DHX34: variants seen among roughly 807,000 people sequenced by gnomAD.
DHX34 encodes DExH-box helicase 34.
In DHX34, 96 loss-of-function variants were observed where a neutral mutation model predicts 111.1. The ratio of observed to expected loss-of-function variants is 0.86; its 90% CI spans 0.73 to 1.02. DHX34 has a LOEUF of 1.02. DHX34 is among the 50% of genes least tolerant of loss of function. The pLI, the probability that DHX34 is intolerant of heterozygous loss-of-function variation, is 0.00. For missense variants in DHX34, 1,560 were observed against 1,579.9 expected (o/e 0.99, Z 0.21); for synonymous variants, 688 against 670.4 (o/e 1.03, Z -0.41).
rs139596313 is a variant in DHX34, at chr19:47,382,044, C to T, written c.3363C>T (p.Cys1121=). 316 of 1,614,144 alleles carry T rather than the reference C, an allele frequency of 2.0e-4. 1 individual carries two copies. In the African/African-American group the frequency reaches 3.5e-3, roughly 18 times the overall value. ...KTSVLQRPYH[C]EACGKDFLFT... is the part of the protein sequence containing the mutation. ...CTGTCCTGCAGAGGCCCTACCACTG[C>T]GAGGCCTGCGGGAAGGACTTCCTCT... Residue 1121 remains cysteine (C), a synonymous_variant, in exon 17 of 17, where the codon TGC becomes TGT. Transcript: ENST00000328771.
At chr19:47,375,238 G>T in intron 9 of DHX34, 1 of 972,594 alleles carries the variant, frequency 1.0e-6, no homozygotes, top group Non-Finnish European at 1.2e-6. Flanking sequence ...AAAGGCACTG[G>T]ACGCCCGCAC....
chr19:47,376,339 G>C, intron 11 of DHX34, 104 bp from the exon 12 acceptor site: 3 of 1,539,694 alleles, frequency 1.9e-6, no homozygotes, highest in Non-Finnish European at 2.6e-6. Context: ...AGTCAGGGAG[G>C]GCTTCCTGGA....
chr19:47,355,298 A>AT lies in DHX34; in HGVS notation c.968dup (p.Ser324GlnfsTer47). ...ATCAACATCTCGCTCTTCTCCAGCT[A>AT]TTTCAGCAATGCCCCTGTGGTACAG... On this transcript the variant is annotated frameshift_variant, in exon 3 of 17. Transcript: ENST00000328771. LOFTEE classifies it high-confidence loss of function. 11 of 1,614,028 alleles carry AT rather than the reference A, an allele frequency of 6.8e-6. No individual in the cohort carries two copies. Among genetic ancestry groups the AT allele is most frequent in the Non-Finnish European group, 9.3e-6 (11 of 1,179,990 alleles).
intron 1 of DHX34, among the ~76,000 whole-genome samples, chr19:47,350,612 A>G (rs1969256766): frequency 6.6e-6 from 1 of 151,248 alleles, no homozygotes; most frequent in Non-Finnish European, 1.5e-5. Context: ...TAGAGACGGG[A>G]TTTTTCCATG....
Position 47,353,137 on chromosome 19 carries a change from G to A in DHX34, c.107G>A (p.Arg36His), listed in dbSNP as rs1274722189. The A allele has an allele frequency of 1.9e-6, 3 of 1,614,024 alleles. No individual in the cohort carries two copies. The highest frequency in any genetic ancestry group is 1.7e-5 in the Admixed American group (1 of 59,972). ...TGGGACTGGAATTGTCCAGAGACGC[G>A]TCGCCTCTTGGAAGATGCCTTCTTC... ...EKWDWNCPETRRLLEDAFFRE... is the reference protein window; with the variant it reads ...EKWDWNCPETHRLLEDAFFRE... The change falls in exon 2 of 17, where the codon CGT becomes CAT. Residue 36 changes from arginine to histidine, a missense_variant. Physicochemically the swap from Arg to His is conservative, Grantham distance 29. Coordinates refer to ENST00000328771, the MANE Select transcript of DHX34 (RefSeq NM_014681.6). This position sits in a 1 kb window ranked among gnomAD's most constrained non-coding sequence, Gnocchi z 4.6.
intron 4 of DHX34, among the ~76,000 whole-genome samples, chr19:47,359,605 G>A (rs569285879): frequency 2.0e-5 from 3 of 152,172 alleles, no homozygotes; most frequent in Middle Eastern, 3.4e-3. Flanking sequence ...GACATGGTGA[G>A]ACCCCGTCTC....
intron 7 of DHX34, among the ~76,000 whole-genome samples, chr19:47,372,014 T>A (rs1969978442): frequency 6.6e-6 from 1 of 150,980 alleles, no homozygotes; most frequent in Non-Finnish European, 1.5e-5. Context: ...AGATGCCCGC[T>A]GTGGAGCGCT....
In DHX34 at chr19:47,353,769, A is replaced by G; in HGVS notation, c.705+34A>G. 2.7e-6 allele frequency: 4 copies of G among 1,499,984 alleles called. No individual in the cohort carries two copies. Among genetic ancestry groups the G allele is most frequent in the Non-Finnish European group, 3.6e-6 (4 of 1,121,576 alleles). The allele number at this position is 1,499,984 out of a possible 1,614,324, so 92.9% of individuals were successfully genotyped here. ...GACGCACCAGGTTTCCGATTTTTCC[A>G]GCGTGACCTTGGGGGAATAGGTTGC... is the stretch of plus-strand genomic sequence containing the variant. On this transcript the variant is annotated intron_variant, in intron 2 of 16. Coordinates refer to ENST00000328771, the MANE Select transcript of DHX34 (RefSeq NM_014681.6). The surrounding 1 kb of genome is among the most constrained non-coding windows in gnomAD (Gnocchi z 4.6).
Position 47,362,609 on chromosome 19 carries a change from CTA to C in DHX34, c.1511_1512del (p.Tyr504CysfsTer6), listed in dbSNP as rs762954905. The stretch of plus-strand genomic sequence containing the variant: ...CGGGCCCCGGAGTCTGCTTCCGCCT[CTA>C]TGCCGAATCGGACTATGATGCCTTC... ...RTGPGVCFRL[Y>X]AESDYDAFAP... On this transcript the variant is annotated frameshift_variant, in exon 6 of 17. Coordinates refer to ENST00000328771, the MANE Select transcript of DHX34 (RefSeq NM_014681.6). LOFTEE classifies it high-confidence loss of function. The C allele has an allele frequency of 2.5e-6, 4 of 1,613,842 alleles. No individual in the cohort carries two copies. The East Asian group carries it at 8.9e-5, about 36-fold the overall frequency.
chr19:47,369,285 G>T (rs990803761), intron 7 of DHX34, among the ~76,000 whole-genome samples: 1 of 152,106 alleles, frequency 6.6e-6, no homozygotes, highest in Admixed American at 6.6e-5. Flanking sequence ...GGGATTACAG[G>T]CATGAGCCAC....
chr19:47,376,955 CCTT>C (rs779248727), intron 12 of DHX34, 142 bp from the exon 13 acceptor site: 207 of 1,542,122 alleles, frequency 1.3e-4, no homozygotes, highest in African/African-American at 3.3e-4. Flanking sequence ...ATTTGGCTGA[CCTT>C]CTTGTCTGAG....
intron 14 of DHX34, 159 bp from the exon 15 acceptor site, chr19:47,380,657 C>T: frequency 1.0e-6 from 1 of 985,304 alleles, no homozygotes; most frequent in Non-Finnish European, 1.2e-6. Context: ...AGACAGACCC[C>T]TGGTCATGTG....
intron 1 of DHX34, among the ~76,000 whole-genome samples, chr19:47,351,130 A>G (rs1425225975): frequency 6.6e-6 from 1 of 151,102 alleles, no homozygotes. Flanking sequence ...AGCATGCATA[A>G]GCAGTTTCTA....
At chr19:47,377,065 A>AGGGTGGGCCT in intron 12 of DHX34, 35 bp from the exon 13 acceptor site, 1 of 1,611,332 alleles carries the variant, frequency 6.2e-7, no homozygotes, top group Non-Finnish European at 8.5e-7. Context: ...TGGGTGGGCC[A>AGGGTGGGCCT]GGGTGGGCCT....
In DHX34 at chr19:47,357,953, A is replaced by G. The variant is rs759758867; in HGVS notation, c.1105A>G (p.Ile369Val). 13 of 1,613,922 alleles carry G rather than the reference A, an allele frequency of 8.1e-6. No homozygotes were observed. In the South Asian group the frequency reaches 1.2e-4, roughly 15 times the overall value. Residue 369 changes from isoleucine to valine, a missense_variant, in exon 4 of 17, where the codon ATT (isoleucine) becomes GTT (valine). Coordinates refer to ENST00000328771, the MANE Select transcript of DHX34 (RefSeq NM_014681.6). ...PRPFLRVLES[I>V]DHKYPPEERG... is the part of the protein sequence containing the mutation. ...GCCTTTCCTGAGGGTGCTGGAGTCC[A>G]TTGACCACAAGTACCCGCCTGAGGA...
Position 47,362,508 on chromosome 19 carries a change from G to C in DHX34, c.1408G>C (p.Ala470Pro), listed in dbSNP as rs1440406553. The change falls in exon 6 of 17, where the codon GCC (alanine) becomes CCC (proline). Residue 470 changes from alanine to proline, a missense_variant. By Grantham distance (27) the Ala-to-Pro change is conservative. Transcript: ENST00000328771. ...KVKEMSYDPQ[A>P]KLQRLQEFWI... is the part of the protein sequence containing the mutation. Reference sequence around the variant, plus strand: ...GAAGGAGATGAGCTACGATCCGCAGGCCAAGCTGCAACGGCTGCAGGAGTT... The same window carrying C: ...GAAGGAGATGAGCTACGATCCGCAGCCCAAGCTGCAACGGCTGCAGGAGTT... The C allele has an allele frequency of 1.9e-6, 3 of 1,604,164 alleles. No individual in the cohort carries two copies. Among genetic ancestry groups the C allele is most frequent in the Non-Finnish European group, 2.6e-6 (3 of 1,173,912 alleles).
rs1423600710 is a variant in DHX34 at position 47,382,103 on chromosome 19, A to G, written c.3422A>G (p.Gln1141Arg). The change falls in exon 17 of 17, where the codon CAG (glutamine) becomes CGG (arginine). Residue 1141 changes from glutamine to arginine, a missense_variant. By Grantham distance (43) the Gln-to-Arg change is conservative (BLOSUM62 1). Transcript: ENST00000328771. The part of the protein sequence containing the change: ...TPTEVLRHRK[Q>R]HV ...ACAGAGGTGCTGCGCCACCGGAAGCAGCACGTGTGAGCTGGGCCAGGAGCC... is the reference window on the plus strand; with the variant it reads ...ACAGAGGTGCTGCGCCACCGGAAGCGGCACGTGTGAGCTGGGCCAGGAGCC... The G allele has an allele frequency of 1.2e-6, 2 of 1,613,822 alleles. No individual in the cohort carries two copies. The highest frequency in any genetic ancestry group is 1.7e-5 in the Admixed American group (1 of 59,950).
At chr19:47,367,489 C>G (rs912542392) in intron 7 of DHX34, among the ~76,000 whole-genome samples, 1 of 152,150 alleles carries the variant, frequency 6.6e-6, no homozygotes, top group African/African-American at 2.4e-5. Flanking sequence ...GTTTGTAATA[C>G]AGGCCTCATG....
At chr19:47,365,216 T>C (rs1969754351) in intron 6 of DHX34, among the ~76,000 whole-genome samples, 1 of 146,410 alleles carries the variant, frequency 6.8e-6, no homozygotes, top group Non-Finnish European at 1.5e-5. Flanking sequence ...TAAATTGAGC[T>C]TCTAATGTAA....
Sources: gnomAD v4.1 joint callset for allele counts (sites outside exome capture counted in the v4.1 genomes callset) on GRCh38, gnomAD v4.1.1 for gene constraint, Gnocchi (gnomAD v3.1) non-coding constraint, MANE v1.5 for transcripts, NCBI Gene and HGNC (gene_info 2026-07-23, HGNC 2026-07-21) for gene names.